The following TXNDC5 variants were observed in gnomAD, a reference collection of about 807,000 sequenced individuals.
TXNDC5 encodes the protein thioredoxin domain-containing protein 5.
A neutral mutation model predicts 52.6 loss-of-function variants in TXNDC5; 44 were observed. The observed-to-expected ratio is 0.84, with a 90% CI of 0.66 to 1.08. The LOEUF (loss-of-function observed/expected upper bound fraction) is 1.08, where lower values mean the gene tolerates loss of function less well. Among genes scored for constraint, TXNDC5 ranks in the 50% least tolerant of loss-of-function variants. The probability of loss-of-function intolerance (pLI) is 0.00; values close to 1 mark genes in which losing one functional copy is unlikely to be tolerated. For missense variants in TXNDC5, 600 were observed against 565.5 expected (o/e 1.06, Z -0.62); for synonymous variants, 241 against 234.4 (o/e 1.03, Z -0.26).
intron 1 of TXNDC5, chr6:7,909,961 G>A: frequency 1.0e-6 from 1 of 986,100 alleles, no homozygotes; most frequent in South Asian, 4.7e-5. Context: ...GCCGGCACAG[G>A]AAGTTTGGGG....
At chr6:7,902,661 A>T (rs566156477) in intron 2 of TXNDC5, among the ~76,000 whole-genome samples, 1 of 152,096 alleles carries the variant, frequency 6.6e-6, no homozygotes, top group Non-Finnish European at 1.5e-5. Context: ...TCGGGGGGAA[A>T]ATAATCTGTT....
chr6:7,910,631 G>A lies in TXNDC5; in HGVS notation c.146C>T (p.Pro49Leu), dbSNP rs1005596038. 5 of 1,335,124 alleles carry A rather than the reference G, an allele frequency of 3.7e-6. No individual in the cohort carries two copies. Among genetic ancestry groups the A allele is most frequent in the East Asian group, 3.8e-5 (1 of 26,352 alleles). 82.7% of individuals were successfully genotyped at this position (1,335,124 alleles called of 1,614,324 possible). The change falls in exon 1 of 10, where the codon CCC (proline) becomes CTC (leucine). Residue 49 changes from proline (P) to leucine (L), a missense_variant. By Grantham distance (98) the Pro-to-Leu change is moderately conservative (BLOSUM62 -3). Coordinates refer to ENST00000379757, the MANE Select transcript of TXNDC5 (RefSeq NM_030810.5). ...QEAAAAAADGPPAADGEDGQD... is the reference protein window; with the variant it reads ...QEAAAAAADGLPAADGEDGQD... ...TCCGTCCTCGCCGTCTGCCGCGGGGGGCCCGTCCGCCGCCGCCGCCGCCGC... is the reference window on the plus strand; with the variant it reads ...TCCGTCCTCGCCGTCTGCCGCGGGGAGCCCGTCCGCCGCCGCCGCCGCCGC...
Position 7,909,692 on chromosome 6 carries a change from G to T in TXNDC5, c.263+822C>A, listed in dbSNP as rs573583903. 21 of 838,028 alleles carry T rather than the reference G, an allele frequency of 2.5e-5. No homozygotes were observed. The South Asian group carries it at 9.2e-4, about 37-fold the overall frequency. The allele number at this position is 838,028 out of a possible 1,614,324, so 51.9% of individuals were successfully genotyped here. A position where few individuals can be genotyped will look rare whatever the true frequency, so the allele number is the denominator to read the frequency against. ...AGATTACATCCACCCTGAGCTGCAG[G>T]GGGGCGGAGGGGTTCCAGAATTCGC... On this transcript the variant is annotated intron_variant, in intron 1 of 9. Coordinates refer to ENST00000379757, the MANE Select transcript of TXNDC5 (RefSeq NM_030810.5).
intron 7 of TXNDC5, 120 bp downstream of exon 7, chr6:7,888,585 G>T: frequency 1.5e-6 from 2 of 1,297,746 alleles, no homozygotes; most frequent in South Asian, 1.5e-5. Context: ...ACCATCAGAT[G>T]ACTGTGTCCC....
intron 7 of TXNDC5, among the ~76,000 whole-genome samples, chr6:7,887,335 T>C (rs1361017104): frequency 6.6e-6 from 1 of 152,096 alleles, no homozygotes; most frequent in Non-Finnish European, 1.5e-5. Context: ...AGGCTCATGG[T>C]TGGAACTGCC....
At chr6:7,908,884 G>A (rs567081741) in intron 1 of TXNDC5, among the ~76,000 whole-genome samples, 4 of 152,276 alleles carry the variant, frequency 2.6e-5, no homozygotes, top group African/African-American at 9.6e-5. Context: ...CCCATCGACA[G>A]ATGTATTCCA....
chr6:7,888,997 T>C, intron 6 of TXNDC5, 149 bp from the exon 7 acceptor site: 2 of 1,022,354 alleles, frequency 2.0e-6, no homozygotes, highest in Non-Finnish European at 2.8e-6. Flanking sequence ...TAGACGGGAA[T>C]GTAGAGAGGA....
chr6:7,897,870 G>A (rs1478486054), intron 3 of TXNDC5, among the ~76,000 whole-genome samples: 1 of 152,196 alleles, frequency 6.6e-6, no homozygotes, highest in African/African-American at 2.4e-5. Flanking sequence ...TCCCCACAAA[G>A]AGAATATTTT....
In TXNDC5 at chr6:7,883,186, C is replaced by T. The variant is rs1255890609; in HGVS notation, c.1257G>A (p.Ser419=). Residue 419 remains serine, a synonymous_variant, in exon 10 of 10, where the codon TCG becomes TCA. Transcript: ENST00000379757. ...SEHSGGRDLD[S]LHRFVLSQAK... is the part of the protein sequence containing the mutation. ...CTTGGCTCAGGACAAAGCGGTGTAA[C>T]GAGTCAAGGTCTCTGCCTCCACTGT... 17 of 1,614,068 alleles carry T rather than the reference C, an allele frequency of 1.1e-5. No individual in the cohort carries two copies. Among genetic ancestry groups the T allele is most frequent in the Non-Finnish European group, 1.4e-5 (16 of 1,180,048 alleles).
intron 2 of TXNDC5, among the ~76,000 whole-genome samples, chr6:7,902,304 T>TC (rs1021239150): frequency 2.0e-5 from 3 of 151,828 alleles, no homozygotes; most frequent in Non-Finnish European, 2.9e-5. Context: ...CACAGGTAGT[T>TC]CCCCCCGTCA....
chr6:7,909,529 G>C (rs1392880855), intron 1 of TXNDC5, among the ~76,000 whole-genome samples: 1 of 152,202 alleles, frequency 6.6e-6, no homozygotes, highest in African/African-American at 2.4e-5. Flanking sequence ...GCCTCGCCCA[G>C]AGAACCAAAG....
chr6:7,902,295 ACAGGTAGTTCCCCCCGT>A (rs1261304115), intron 2 of TXNDC5, among the ~76,000 whole-genome samples: 3 of 152,164 alleles, frequency 2.0e-5, no homozygotes, highest in Non-Finnish European at 4.4e-5. Flanking sequence ...GGAAACTAAC[ACAGGTAGTTCCCCCCGT>A]CAGTCCTGCC....
intron 7 of TXNDC5, among the ~76,000 whole-genome samples, chr6:7,886,669 T>C (rs1229247824): frequency 6.6e-6 from 1 of 152,218 alleles, no homozygotes; most frequent in Non-Finnish European, 1.5e-5. Flanking sequence ...GGAAAGGTGC[T>C]ACATGGTAGT....
chr6:7,884,581 T>TG (rs1759894615), intron 8 of TXNDC5, 93 bp from the exon 9 acceptor site: 1 of 1,558,458 alleles, frequency 6.4e-7, no homozygotes. Context: ...TTCTTCTGTA[T>TG]GGGACAGTCA....
Position 7,891,674 on chromosome 6 carries a change from AG to A in TXNDC5, c.678del (p.Trp227GlyfsTer60). The A allele has an allele frequency of 6.2e-7, 1 of 1,614,030 alleles. No homozygotes were observed. Among genetic ancestry groups the A allele is most frequent in the Admixed American group, 1.7e-5 (1 of 60,022 alleles). ...TCAAGGCCCAGAGCCAGCTGCTCCC[AG>A]GTTGGAGCCAGGGCTTTGCAGTGAC... ...WCGHCKALAP[T>X]WEQLALGLEH... On this transcript the variant is annotated frameshift_variant, in exon 5 of 10. Coordinates refer to ENST00000379757, the MANE Select transcript of TXNDC5 (RefSeq NM_030810.5). LOFTEE classifies it high-confidence loss of function.
At chr6:7,899,918 A>C in intron 2 of TXNDC5, 1 of 358,456 alleles carries the variant, frequency 2.8e-6, no homozygotes, top group African/African-American at 2.1e-5. Context: ...TGAGGTGAAA[A>C]CTTCCAGCCC....
chr6:7,895,059 G>A, intron 4 of TXNDC5, 47 bp downstream of exon 4: 1 of 1,593,914 alleles, frequency 6.3e-7, no homozygotes, highest in Non-Finnish European at 8.6e-7. Flanking sequence ...AGCACGCCAA[G>A]GAATAATAGT....
Position 7,910,785 on chromosome 6 carries a change from G to C in TXNDC5, c.-9C>G, listed in dbSNP as rs565831496. ...CCTGGGCGCGCGGGCATCGCGGCGG[G>C]GCTGGGCGCGCTCTCGCCGCGGCCT... is the stretch of plus-strand genomic sequence containing the variant. On this transcript the variant is annotated 5_prime_UTR_variant, in exon 1 of 10. Coordinates refer to ENST00000379757, the MANE Select transcript of TXNDC5 (RefSeq NM_030810.5). 1.2e-5 allele frequency: 12 copies of C among 985,792 alleles called. No homozygotes were observed. The highest frequency in any genetic ancestry group is 1.4e-5 in the Non-Finnish European group (12 of 831,866). The allele number at this position is 985,792 out of a possible 1,614,324, so 61.1% of individuals were successfully genotyped here.
At chr6:7,888,669 C>A in intron 7 of TXNDC5, 36 bp downstream of exon 7, 1 of 1,582,222 alleles carries the variant, frequency 6.3e-7, no homozygotes, top group Non-Finnish European at 8.6e-7. Flanking sequence ...GGGCCACGGG[C>A]CACTTATGGG....
Sources: allele counts gnomAD v4.1 joint callset (sites outside exome capture counted in the v4.1 genomes callset), GRCh38; gene constraint gnomAD v4.1.1; transcripts MANE v1.5; gene names NCBI Gene and HGNC (gene_info 2026-07-23, HGNC 2026-07-21).